AMZ1: variants seen among roughly 807,000 people sequenced by gnomAD.
The protein encoded by AMZ1 is archaelysin family metallopeptidase 1, also known as archaemetzincin-1.
A neutral mutation model predicts 29.9 loss-of-function variants in AMZ1; 39 were observed. That is an observed-to-expected ratio of 1.30 (90% confidence interval 1.01 to 1.70). The LOEUF (loss-of-function observed/expected upper bound fraction) is 1.70. Ranked by LOEUF, AMZ1 falls within the 40% of genes most tolerant of loss-of-function variation. The probability of loss-of-function intolerance (pLI) is 0.00; values close to 1 mark genes in which losing one functional copy is unlikely to be tolerated. For missense variants in AMZ1, 1,041 were observed against 680.6 expected, an observed-to-expected ratio of 1.53 and a Z score of -5.89; for synonymous variants, 458 against 304.0, an observed-to-expected ratio of 1.51 and a Z score of -5.27.
chr7:2,699,418 G>T (rs865824767), intron 1 of AMZ1, among the ~76,000 whole-genome samples: 6 of 152,236 alleles, frequency 3.9e-5, no homozygotes, highest in South Asian at 2.1e-4. Flanking sequence ...ACTTCTCCCT[G>T]TTTCTAGCTG....
At chr7:2,750,051 C>T (rs1790954284) in intron 4 of AMZ1, among the ~76,000 whole-genome samples, 1 of 152,166 alleles carries the variant, frequency 6.6e-6, no homozygotes, top group East Asian at 1.9e-4. Context: ...AGAAGCTCCA[C>T]AAATTCCAAA....
At chr7:2,724,041 G>C (rs1789527618), downstream of AMZ1, among the ~76,000 whole-genome samples, 1 of 149,134 alleles carries the variant, frequency 6.7e-6, no homozygotes, top group Non-Finnish European at 1.5e-5. Context: ...GAGTAGCTGA[G>C]ATTACAGGCG....
chr7:2,686,994 T>C (rs918004143), upstream of AMZ1, among the ~76,000 whole-genome samples: 7 of 150,598 alleles, frequency 4.6e-5, no homozygotes, highest in South Asian at 1.1e-3. Flanking sequence ...ATTACAGGCA[T>C]GAGCCACCAC....
upstream of AMZ1, chr7:2,763,324 C>G (rs1791663860): frequency 6.0e-6 from 1 of 166,800 alleles, no homozygotes; most frequent in Non-Finnish European, 1.3e-5. Context: ...GCTGACGGCA[C>G]AAATGCCGGT....
rs756257195 is a variant in AMZ1 at position 2,731,600 on chromosome 7, C to T, written n.550+21784C>T. Reference sequence around the variant, plus strand: ...ATGAACAGGATGGACGTGATCCCGTCGAAGCACTGGAACCACTTCTGGCGC... The same window carrying T: ...ATGAACAGGATGGACGTGATCCCGTTGAAGCACTGGAACCACTTCTGGCGC... On this transcript the variant is annotated intron_variant and non_coding_transcript_variant, in intron 4 of 4. Coordinates refer to the AMZ1 transcript ENST00000489665. The surrounding 1 kb of genome is among the most constrained non-coding windows in gnomAD (Gnocchi z 6.0). 5.6e-6 allele frequency: 9 copies of T among 1,613,854 alleles called. No homozygotes were observed. The highest frequency in any genetic ancestry group is 2.2e-5 in the East Asian group (1 of 44,870).
At chr7:2,682,969 G>A (rs1471615007) in intron 1 of AMZ1, among the ~76,000 whole-genome samples, 1 of 152,184 alleles carries the variant, frequency 6.6e-6, no homozygotes, top group Non-Finnish European at 1.5e-5. Flanking sequence ...TGTCCCCACA[G>A]CACTGTCTGC....
chr7:2,711,135 G>T (rs798566), intron 6 of AMZ1, among the ~76,000 whole-genome samples: 37,911 of 152,030 alleles, frequency 0.25, 4,857 homozygotes, highest in Admixed American at 0.29. Flanking sequence ...TCTCCGTTCC[G>T]TGAGCACCAT....
chr7:2,754,274 C>T (rs1791184251), intron 4 of AMZ1, among the ~76,000 whole-genome samples: 2 of 152,182 alleles, frequency 1.3e-5, no homozygotes, highest in South Asian at 4.1e-4. Flanking sequence ...GTGCCATCGG[C>T]ATGTCCTCTT....
At chr7:2,750,254 G>A (rs1790966972) in intron 4 of AMZ1, among the ~76,000 whole-genome samples, 1 of 152,216 alleles carries the variant, frequency 6.6e-6, no homozygotes, top group African/African-American at 2.4e-5. Context: ...CCATCAGAGA[G>A]CTGAGATCAC....
At chr7:2,738,979 C>A (rs930945241) in intron 4 of AMZ1, among the ~76,000 whole-genome samples, 1 of 152,122 alleles carries the variant, frequency 6.6e-6, no homozygotes, top group Admixed American at 6.5e-5. Context: ...ACACAGCCAC[C>A]CCTTGGTCAC....
intron 1 of AMZ1, among the ~76,000 whole-genome samples, chr7:2,693,649 G>A (rs1316671919): frequency 6.6e-6 from 1 of 152,136 alleles, no homozygotes; most frequent in Non-Finnish European, 1.5e-5. Flanking sequence ...TCCGCCTCCC[G>A]GGTTCACTCC....
chr7:2,746,328 A>T (rs891253757), intron 4 of AMZ1, among the ~76,000 whole-genome samples: 6 of 152,392 alleles, frequency 3.9e-5, no homozygotes, highest in South Asian at 2.1e-4. Context: ...ACTGTCTCTC[A>T]GACCACAGTG....
At chr7:2,741,344 G>T (rs183524667) in intron 4 of AMZ1, among the ~76,000 whole-genome samples, 3 of 152,288 alleles carry the variant, frequency 2.0e-5, no homozygotes, top group African/African-American at 7.2e-5. Flanking sequence ...AACAGAGTGA[G>T]ACACTGTCTC....
At chr7:2,685,548 A>G (rs1583132586), upstream of AMZ1, among the ~76,000 whole-genome samples, 2 of 142,976 alleles carry the variant, frequency 1.4e-5, no homozygotes, top group African/African-American at 5.6e-5. Context: ...CAACAGAGTG[A>G]GACTCCGTCT....
chr7:2,715,305 C>T lies in AMZ1; in HGVS notation c.*2427C>T, dbSNP rs1023103408. On this transcript the variant is annotated 3_prime_UTR_variant, in exon 7 of 7. Coordinates refer to ENST00000683327, the MANE Select transcript of AMZ1 (RefSeq NM_001384743.1). ...CCATTCATGAACAGTCAGTCAGCCC[C>T]ACTCGGCGTTCACTGTGGGGATTTG... 4 of 152,374 alleles carry T rather than the reference C, an allele frequency of 2.6e-5. No individual in the cohort carries two copies. Among genetic ancestry groups the T allele is most frequent in the African/African-American group, 4.8e-5 (2 of 41,452 alleles). The allele number at this position is 152,374 out of a possible 1,614,324, so 9.4% of individuals were successfully genotyped here.
chr7:2,752,599 C>T (rs932742943), intron 4 of AMZ1, among the ~76,000 whole-genome samples: 1 of 152,196 alleles, frequency 6.6e-6, no homozygotes, highest in African/African-American at 2.4e-5. Context: ...GAGTTCAGCA[C>T]ATTCACAAGA....
chr7:2,709,197 G>C lies in AMZ1; in HGVS notation c.724G>C (p.Gly242Arg). ...CCCCGAGGCCCCCCTGCAGGACAGG[G>C]GCTGGGCCCTGTGCTTCAGTGCCCT... is the stretch of plus-strand genomic sequence containing the variant. ...DGPEAPLQDR[G>R]WALCFSALGM... The change falls in exon 5 of 7, where the codon GGC becomes CGC. Residue 242 changes from glycine (G) to arginine (R), a missense_variant. Coordinates refer to ENST00000683327, the MANE Select transcript of AMZ1 (RefSeq NM_001384743.1). The C allele has an allele frequency of 3.9e-6, 6 of 1,522,256 alleles. No homozygotes were observed. The highest frequency in any genetic ancestry group is 5.3e-6 in the Non-Finnish European group (6 of 1,136,808). 94.3% of individuals were successfully genotyped at this position (1,522,256 alleles called of 1,614,324 possible).
At chr7:2,709,010 T>G in intron 4 of AMZ1, 65 bp from the exon 5 acceptor site, 1 of 1,499,916 alleles carries the variant, frequency 6.7e-7, no homozygotes, top group Non-Finnish European at 8.9e-7. Context: ...GAGGTGGGTT[T>G]GACGGTGGGC....
At chr7:2,751,209 C>T (rs1791018018) in intron 4 of AMZ1, among the ~76,000 whole-genome samples, 1 of 151,854 alleles carries the variant, frequency 6.6e-6, no homozygotes. Context: ...CATGGTAAAA[C>T]CCCATCTTCT....
Sources: allele counts gnomAD v4.1 joint callset (sites outside exome capture counted in the v4.1 genomes callset), GRCh38; gene constraint gnomAD v4.1.1; non-coding constraint Gnocchi (gnomAD v3.1); transcripts MANE v1.5; gene names NCBI Gene and HGNC (gene_info 2026-07-23, HGNC 2026-07-21).